The following PARD3B variants were observed in gnomAD, a reference collection of about 807,000 sequenced individuals.
PARD3B encodes partitioning defective 3 homolog B.
A neutral mutation model predicts 130.2 loss-of-function variants in PARD3B; 103 were observed. That is an observed-to-expected ratio of 0.79 (90% CI 0.67 to 0.93). PARD3B has a LOEUF of 0.93. Ranked by LOEUF, PARD3B falls within the 40% of genes least tolerant of loss-of-function variation. PARD3B has a pLI of 0.00. For missense variants in PARD3B, 1,609 were observed against 1,499.2 expected (o/e 1.07, Z -1.21); for synonymous variants, 583 against 553.2 (o/e 1.05, Z -0.76).
rs536112365 is a variant in PARD3B at position 204,557,594 on chromosome 2, C to A, written c.120+11475C>A. Among the ~76,000 whole-genome samples the A allele has an allele frequency of 3.3e-5, 5 of 152,276 alleles. No homozygotes were observed. In the East Asian group the frequency reaches 9.7e-4, roughly 29 times the overall value. ...GCTTGCTAAACTTTGTCAAATTCCA[C>A]ATTTTTAAAATAAAAATGAGAATGA... On this transcript the variant is annotated intron_variant, in intron 1 of 22. Coordinates refer to ENST00000406610, the MANE Select transcript of PARD3B (RefSeq NM_001302769.2).
chr2:204,939,856 AT>A (rs1470830776), intron 2 of PARD3B, among the ~76,000 whole-genome samples: 1 of 152,178 alleles, frequency 6.6e-6, no homozygotes, highest in Non-Finnish European at 1.5e-5. Flanking sequence ...TTATCACACC[AT>A]TATTTCTCAA....
rs575761310 is a variant in PARD3B at position 205,116,957 on chromosome 2, C to A, written c.681-1964C>A. On this transcript the variant is annotated intron_variant, in intron 6 of 22. Coordinates refer to ENST00000406610, the MANE Select transcript of PARD3B (RefSeq NM_001302769.2). This position sits in a 1 kb window ranked among gnomAD's most constrained non-coding sequence, Gnocchi z 4.5. ...ACCCAGTGGCCCGAAAGAATTAATT[C>A]ATCTCCCAAAATGTGAAATTAAATC... Among the ~76,000 whole-genome samples, 3 of 152,256 alleles carry A rather than the reference C, an allele frequency of 2.0e-5. No individual in the cohort carries two copies. In the East Asian group the frequency reaches 5.8e-4, roughly 29 times the overall value.
chr2:205,294,144 C>G (rs2041705504), intron 16 of PARD3B, among the ~76,000 whole-genome samples: 1 of 151,116 alleles, frequency 6.6e-6, no homozygotes, highest in African/African-American at 2.4e-5. Flanking sequence ...TTTTTTAATC[C>G]AGTAGAGTCT....
At chr2:204,957,583 G>A (rs933253267) in intron 2 of PARD3B, among the ~76,000 whole-genome samples, 6 of 152,134 alleles carry the variant, frequency 3.9e-5, no homozygotes, top group African/African-American at 1.4e-4. Context: ...CTCTGATGAA[G>A]ATGCTAATGT....
At chr2:205,505,069 G>T (rs1239937318) in intron 21 of PARD3B, among the ~76,000 whole-genome samples, 1 of 152,196 alleles carries the variant, frequency 6.6e-6, no homozygotes. Context: ...CATAAAAAAT[G>T]ATGAGTTCAT....
intron 21 of PARD3B, among the ~76,000 whole-genome samples, chr2:205,507,542 C>T (rs534320649): frequency 1.4e-4 from 21 of 152,076 alleles, no homozygotes; most frequent in South Asian, 4.2e-4. Context: ...AAAACTAGGC[C>T]ACAAGACCAC....
At chr2:204,893,522 A>G (rs1006089519) in intron 2 of PARD3B, among the ~76,000 whole-genome samples, 2 of 152,236 alleles carry the variant, frequency 1.3e-5, no homozygotes, top group Admixed American at 1.3e-4. Context: ...GCTGTCCAAA[A>G]GAAATTGCAT....
In PARD3B at chr2:205,525,244, T is replaced by TAAAACTTCCAAATTGGTTTCCTTAC; in HGVS notation, c.3180+25214_3180+25238dup. ...TCCTGAAAACAAGAGACATGGTATG[T>TAAAACTTCCAAATTGGTTTCCTTAC]AAAACTTCCAAATTGGTTTCCTTAC... On this transcript the variant is annotated intron_variant, in intron 21 of 22. Transcript: ENST00000406610. This position sits in a 1 kb window ranked among gnomAD's most constrained non-coding sequence, Gnocchi z 4.2. Among the ~76,000 whole-genome samples the TAAAACTTCCAAATTGGTTTCCTTAC allele has an allele frequency of 6.6e-6, 1 of 152,288 alleles. No individual in the cohort carries two copies. The highest frequency in any genetic ancestry group is 6.5e-5 in the Admixed American group (1 of 15,284).
chr2:204,794,890 T>A lies in PARD3B; in HGVS notation c.222+108608T>A, dbSNP rs892985439. Among the ~76,000 whole-genome samples, 6 of 152,304 alleles carry A rather than the reference T, an allele frequency of 3.9e-5. No homozygotes were observed. The East Asian group carries it at 1.2e-3, about 29-fold the overall frequency. On this transcript the variant is annotated intron_variant, in intron 2 of 22. Coordinates refer to ENST00000406610, the MANE Select transcript of PARD3B (RefSeq NM_001302769.2). ...CCTTGCCTTTGAAAATGCTGCTGTT[T>A]CCTCTCTCTAGATAATTTATTATTC...
chr2:204,791,867 T>G (rs2042217095), intron 2 of PARD3B, among the ~76,000 whole-genome samples: 1 of 152,222 alleles, frequency 6.6e-6, no homozygotes. Flanking sequence ...TATTTCTATT[T>G]GCCTATGTAT....
chr2:205,507,277 C>T (rs1039121603), intron 21 of PARD3B, among the ~76,000 whole-genome samples: 51 of 124,538 alleles, frequency 4.1e-4, no homozygotes, highest in African/African-American at 1.5e-3. Flanking sequence ...TGCAGTGGCA[C>T]GATCTCTGCT....
At chr2:205,085,910 AT>A (rs568622469) in intron 4 of PARD3B, among the ~76,000 whole-genome samples, 278 of 152,204 alleles carry the variant, frequency 1.8e-3, no homozygotes, top group Non-Finnish European at 2.4e-3. Flanking sequence ...ATTCTGATAC[AT>A]TATATAAGGC....
At chr2:205,451,097 C>A (rs114463192) in intron 20 of PARD3B, among the ~76,000 whole-genome samples, 269 of 152,256 alleles carry the variant, frequency 1.8e-3, no homozygotes, top group African/African-American at 6.1e-3. Flanking sequence ...TGTGTCTCGC[C>A]CATTAAGGAA....
intron 21 of PARD3B, among the ~76,000 whole-genome samples, chr2:205,510,908 A>C (rs1238546119): frequency 6.6e-6 from 1 of 152,218 alleles, no homozygotes; most frequent in Non-Finnish European, 1.5e-5. Context: ...ATCCAGTTTT[A>C]TAGATGAGAA....
At chr2:205,090,160 A>G (rs1702016098) in intron 4 of PARD3B, among the ~76,000 whole-genome samples, 1 of 152,220 alleles carries the variant, frequency 6.6e-6, no homozygotes, top group African/African-American at 2.4e-5. Flanking sequence ...CTGGGAGTTC[A>G]TTAAAAGTGT....
chr2:205,337,520 G>A lies in PARD3B; in HGVS notation c.2630+35819G>A, dbSNP rs146480199. On this transcript the variant is annotated intron_variant, in intron 18 of 22. Coordinates refer to ENST00000406610, the MANE Select transcript of PARD3B (RefSeq NM_001302769.2). The stretch of plus-strand genomic sequence containing the variant: ...GTGTTGTTAAAGTTGAAATGCCAAA[G>A]TTGATCTACCCTATGCTCTTTGACT... 2.0e-3 allele frequency among the ~76,000 whole-genome samples: 297 copies of A among 152,232 alleles called. 1 individual carries two copies. The highest frequency in any genetic ancestry group is 6.3e-3 in the African/African-American group (261 of 41,546).
At chr2:204,881,958 G>A (rs2046069225) in intron 2 of PARD3B, among the ~76,000 whole-genome samples, 1 of 152,092 alleles carries the variant, frequency 6.6e-6, no homozygotes, top group African/African-American at 2.4e-5. Flanking sequence ...ACTTTTAGAG[G>A]GTCTGGAGAT....
At chr2:204,834,263 T>C (rs1486335661) in intron 2 of PARD3B, among the ~76,000 whole-genome samples, 1 of 152,246 alleles carries the variant, frequency 6.6e-6, no homozygotes, top group African/African-American at 2.4e-5. Flanking sequence ...AACAAATGTG[T>C]CAATTTTGTT....
chr2:205,471,868 G>A (rs2048848751), intron 20 of PARD3B, among the ~76,000 whole-genome samples: 2 of 152,172 alleles, frequency 1.3e-5, no homozygotes, highest in Admixed American at 1.3e-4. Context: ...AAATGGAGTT[G>A]TCATGTTGTG....
Sources: gnomAD v4.1 joint callset for allele counts (sites outside exome capture counted in the v4.1 genomes callset) on GRCh38, gnomAD v4.1.1 for gene constraint, Gnocchi (gnomAD v3.1) non-coding constraint, MANE v1.5 for transcripts, NCBI Gene and HGNC (gene_info 2026-07-23, HGNC 2026-07-21) for gene names.